The following TLK1 variants were observed in gnomAD, a reference collection of about 807,000 sequenced individuals.
The protein encoded by TLK1 is tousled like kinase 1, also known as serine/threonine-protein kinase tousled-like 1.
In TLK1, 24 loss-of-function variants were observed where a neutral mutation model predicts 105.3. The ratio of observed to expected loss-of-function variants is 0.23; its 90% CI spans 0.17 to 0.32. The LOEUF (loss-of-function observed/expected upper bound fraction) is 0.32. Among genes scored for constraint, TLK1 ranks in the 10% least tolerant of loss-of-function variants. TLK1 has a pLI of 1.00. For synonymous variants in TLK1, 321 were observed against 310.4 expected (o/e 1.03, Z -0.36); for missense variants, 558 against 910.5 (o/e 0.61, Z 4.98).
At chr2:171,200,310 A>C (rs1041017262) in intron 1 of TLK1, among the ~76,000 whole-genome samples, 10 of 152,116 alleles carry the variant, frequency 6.6e-5, no homozygotes, top group African/African-American at 2.4e-4. Context: ...TGTGTTGTTA[A>C]ATTTCAGTTG....
chr2:171,056,471 A>C lies in TLK1; in HGVS notation c.549T>G (p.Ser183=). The change falls in exon 6 of 21, where the codon TCT becomes TCG. Residue 183 remains serine, a splice_region_variant and synonymous_variant. Transcript: ENST00000431350. ...NSHSHSTPSS[S]VRPNSPSPTA... ...ATGAAAAACTTGAAAGATGACTTAC[A>C]GATGAGGAAGGAGTGGAATGTGAAT... The C allele has an allele frequency of 1.2e-6, 2 of 1,610,690 alleles. No homozygotes were observed. The highest frequency in any genetic ancestry group is 1.7e-6 in the Non-Finnish European group (2 of 1,178,500).
chr2:171,214,356 ACTGT>A (rs1435909298), intron 1 of TLK1, among the ~76,000 whole-genome samples: 8 of 152,130 alleles, frequency 5.3e-5, no homozygotes, highest in Non-Finnish European at 1.0e-4. Context: ...AAGGTCACTA[ACTGT>A]CTGTCTTTAT....
At chr2:170,995,630 C>T (rs1022689341) in intron 20 of TLK1, among the ~76,000 whole-genome samples, 1 of 152,194 alleles carries the variant, frequency 6.6e-6, no homozygotes, top group Non-Finnish European at 1.5e-5. Flanking sequence ...GATGTCAGCA[C>T]AGTTAAAATA....
At chr2:171,069,106 T>C (rs1381071658) in intron 3 of TLK1, among the ~76,000 whole-genome samples, 2 of 152,238 alleles carry the variant, frequency 1.3e-5, no homozygotes, top group African/African-American at 4.8e-5. Flanking sequence ...TGATAATTAC[T>C]GTAAGTTATC....
At position 171,053,786 on chromosome 2, in the gene TLK1, T is replaced by C. The variant is rs751287998; in HGVS notation, c.707A>G (p.Glu236Gly). 3 of 1,610,732 alleles carry C rather than the reference T, an allele frequency of 1.9e-6. No individual in the cohort carries two copies. In the Admixed American group the frequency reaches 5.0e-5, roughly 27 times the overall value. The change falls in exon 8 of 21, where the codon GAG (glutamate) becomes GGG (glycine). Residue 236 changes from glutamate to glycine, a missense_variant. By Grantham distance (98) the Glu-to-Gly change is moderately conservative. This residue lies in a region of TLK1 where 196 missense variants were observed against 239.3 expected (regional missense o/e 0.82). Coordinates refer to ENST00000431350, the MANE Select transcript of TLK1 (RefSeq NM_012290.5). ...SNKIQDLEKK[E>G]GRIDDLLRAN... ...CCTGAGCAAATCATCTATACGTCCC[T>C]CCTTCTTTTCCAGGTCCTGGATTTT...
At chr2:171,058,782 C>G (rs980102977) in intron 4 of TLK1, among the ~76,000 whole-genome samples, 19 of 152,032 alleles carry the variant, frequency 1.2e-4, no homozygotes, top group Non-Finnish European at 2.9e-5. Flanking sequence ...TAAGAACTTG[C>G]TAAGAAATAC....
At chr2:171,018,915 T>C (rs1240341061) in intron 12 of TLK1, among the ~76,000 whole-genome samples, 1 of 152,100 alleles carries the variant, frequency 6.6e-6, no homozygotes, top group Non-Finnish European at 1.5e-5. Context: ...AAATACACAA[T>C]AAAAGGACAT....
At position 170,993,687 on chromosome 2, in the gene TLK1, A is replaced by G. The variant is rs1366088523; in HGVS notation, c.*93T>C. On this transcript the variant is annotated 3_prime_UTR_variant, in exon 21 of 21. Transcript: ENST00000431350. Reference sequence around the variant, plus strand: ...CTTGTGTAAAAAAAAAAAAAAAAAAAAAAGAAAAAGAAAACAAACACTCAA... The same window carrying G: ...CTTGTGTAAAAAAAAAAAAAAAAAAGAAAGAAAAAGAAAACAAACACTCAA... 3.4e-5 allele frequency: 34 copies of G among 1,001,094 alleles called. No homozygotes were observed. The highest frequency in any genetic ancestry group is 6.0e-5 in the South Asian group (2 of 33,360). The allele number at this position is 1,001,094 out of a possible 1,614,324, so 62.0% of individuals were successfully genotyped here.
At chr2:171,195,501 CAA>C (rs55835853) in intron 1 of TLK1, among the ~76,000 whole-genome samples, 17 of 66,286 alleles carry the variant, frequency 2.6e-4, no homozygotes, top group African/African-American at 4.6e-4. Flanking sequence ...GACTCTGTCT[CAA>C]AAAAAAAAAA....
At chr2:171,029,459 G>A (rs533984170) in intron 11 of TLK1, among the ~76,000 whole-genome samples, 41 of 152,084 alleles carry the variant, frequency 2.7e-4, no homozygotes, top group Non-Finnish European at 4.1e-4. Context: ...GCAAAACCCC[G>A]TCTCAATCTC....
chr2:171,034,956 T>C (rs951815803), intron 11 of TLK1, among the ~76,000 whole-genome samples: 2 of 152,090 alleles, frequency 1.3e-5, no homozygotes, highest in East Asian at 1.9e-4. Flanking sequence ...GGGAGGGACC[T>C]GGTGGGAGGT....
At chr2:171,216,335 G>C (rs1460983367) in intron 1 of TLK1, among the ~76,000 whole-genome samples, 1 of 152,170 alleles carries the variant, frequency 6.6e-6, no homozygotes, top group Non-Finnish European at 1.5e-5. Flanking sequence ...AATTAGCCGG[G>C]TGTGGTGGTG....
At chr2:171,007,182 T>C (rs1684688422) in intron 14 of TLK1, 119 bp from the exon 15 acceptor site, 1 of 690,972 alleles carries the variant, frequency 1.4e-6, no homozygotes, top group African/African-American at 1.8e-5. Flanking sequence ...CCTACAATTA[T>C]TAATGATCTT....
chr2:171,037,616 CTATT>C (rs1686432617), intron 11 of TLK1, among the ~76,000 whole-genome samples: 1 of 146,508 alleles, frequency 6.8e-6, no homozygotes, highest in African/African-American at 2.4e-5. Context: ...TTTTTCGTAT[CTATT>C]AAGATAGTCA....
At chr2:171,149,321 C>T (rs946191292) in intron 1 of TLK1, among the ~76,000 whole-genome samples, 3 of 151,918 alleles carry the variant, frequency 2.0e-5, no homozygotes, top group African/African-American at 7.3e-5. Context: ...ATTTCACAAC[C>T]TTGTGAAACC....
chr2:171,028,936 GGT>G (rs1359338275), intron 11 of TLK1, among the ~76,000 whole-genome samples: 1 of 79,656 alleles, frequency 1.3e-5, no homozygotes. Flanking sequence ...ATTTGGACTG[GGT>G]GTTAGAGAGG....
At chr2:171,106,459 T>C (rs1005465790) in intron 2 of TLK1, among the ~76,000 whole-genome samples, 7 of 152,176 alleles carry the variant, frequency 4.6e-5, no homozygotes, top group African/African-American at 1.7e-4. Context: ...CATAAATATG[T>C]ACAATTACTC....
At chr2:170,997,627 A>T in intron 19 of TLK1, 85 bp downstream of exon 19, 1 of 714,184 alleles carries the variant, frequency 1.4e-6, no homozygotes, top group South Asian at 3.2e-5. Flanking sequence ...AATTGACTTT[A>T]AGTTAGTGAA....
Position 171,172,253 on chromosome 2 carries a change from C to T in TLK1, c.-5-54396G>A, listed in dbSNP as rs182634149. 2.0e-5 allele frequency among the ~76,000 whole-genome samples: 3 copies of T among 152,142 alleles called. No individual in the cohort carries two copies. In the East Asian group the frequency reaches 5.8e-4, roughly 29 times the overall value. ...GTTAAAAATCAGGACAGTGGTTACCCTTGAGAGGATAGGAGGGAGGCTTCT... is the reference window on the plus strand; with the variant it reads ...GTTAAAAATCAGGACAGTGGTTACCTTTGAGAGGATAGGAGGGAGGCTTCT... On this transcript the variant is annotated intron_variant, in intron 1 of 20. Coordinates refer to the TLK1 transcript ENST00000521943.
Sources: gnomAD v4.1 joint callset for allele counts (sites outside exome capture counted in the v4.1 genomes callset) on GRCh38, gnomAD v4.1.1 for gene constraint, gnomAD v4.1.1 regional missense constraint, MANE v1.5 for transcripts, NCBI Gene and HGNC (gene_info 2026-07-23, HGNC 2026-07-21) for gene names.